GNAL: variants seen among roughly 807,000 people sequenced by gnomAD.
GNAL encodes G protein subunit alpha L.
In GNAL, 18 loss-of-function variants were observed where a neutral mutation model predicts 55.1. That is an observed-to-expected ratio of 0.33 (90% CI 0.23 to 0.48). The LOEUF is 0.48. Among genes scored for constraint, GNAL ranks in the 20% least tolerant of loss-of-function variants. The probability of loss-of-function intolerance (pLI) is 0.99; values close to 1 mark genes in which losing one functional copy is unlikely to be tolerated. For missense variants in GNAL, 412 were observed against 614.1 expected (o/e 0.67, Z 3.48); for synonymous variants, 253 against 237.0 (o/e 1.07, Z -0.62).
intron 1 of GNAL, among the ~76,000 whole-genome samples, chr18:11,738,004 C>T (rs962082089): frequency 1.3e-5 from 2 of 152,162 alleles, no homozygotes; most frequent in Non-Finnish European, 2.9e-5. Context: ...GTCTGCAGGC[C>T]GGCAGAACCC....
rs184882262 is a variant in GNAL, at chr18:11,730,399, A to C, written c.377-22454A>C. Among the ~76,000 whole-genome samples, 450 of 151,740 alleles carry C rather than the reference A, an allele frequency of 3.0e-3. 1 individual carries two copies. Among genetic ancestry groups the C allele is most frequent in the African/African-American group, 9.5e-3 (394 of 41,428 alleles). ...GGTCTCGAACTCCTGATCTCAGGTAATCTGCCTGCCTCGGCCTCCCAAAAT... is the reference window on the plus strand; with the variant it reads ...GGTCTCGAACTCCTGATCTCAGGTACTCTGCCTGCCTCGGCCTCCCAAAAT... On this transcript the variant is annotated intron_variant, in intron 1 of 11. Coordinates refer to ENST00000334049, the MANE Select transcript of GNAL (RefSeq NM_182978.4).
At position 11,881,218 on chromosome 18, in the gene GNAL, C is replaced by T; in HGVS notation, c.*83C>T. On this transcript the variant is annotated 3_prime_UTR_variant, in exon 12 of 12. Coordinates refer to ENST00000334049, the MANE Select transcript of GNAL (RefSeq NM_182978.4). The surrounding 1 kb of genome is among the most constrained non-coding windows in gnomAD (Gnocchi z 4.8). ...CATGCCATGGTAGGAGGCAGAGTCT[C>T]TAGTTCCATCTCGCTGCCGTCTGTC... 2 of 1,330,414 alleles carry T rather than the reference C, an allele frequency of 1.5e-6. No homozygotes were observed. Among genetic ancestry groups the T allele is most frequent in the Non-Finnish European group, 2.1e-6 (2 of 969,644 alleles). 82.4% of individuals were successfully genotyped at this position (1,330,414 alleles called of 1,614,324 possible). A position where few individuals can be genotyped will look rare whatever the true frequency, so the allele number is the denominator to read the frequency against.
intron 1 of GNAL, among the ~76,000 whole-genome samples, chr18:11,730,053 A>C (rs181898312): frequency 0.017 from 2,513 of 150,238 alleles, 82 homozygotes; most frequent in African/African-American, 0.06. Flanking sequence ...TTTTTTTTTG[A>C]GACAGAGTCT....
chr18:11,751,504 G>C lies in GNAL; in HGVS notation c.377-1349G>C. The C allele has an allele frequency of 1.0e-6, 1 of 985,538 alleles. No individual in the cohort carries two copies. Among genetic ancestry groups the C allele is most frequent in the Non-Finnish European group, 1.2e-6 (1 of 829,994 alleles). The allele number at this position is 985,538 out of a possible 1,614,324, so 61.0% of individuals were successfully genotyped here. A position where few individuals can be genotyped will look rare whatever the true frequency, so the allele number is the denominator to read the frequency against. ...AAGCTGAGCAGAACAAAGGCGGTGT[G>C]ACTGGTGAGCCTCGGAGGGATCCTC... On this transcript the variant is annotated intron_variant, in intron 1 of 11. Coordinates refer to ENST00000334049, the MANE Select transcript of GNAL (RefSeq NM_182978.4). This position sits in a 1 kb window ranked among gnomAD's most constrained non-coding sequence, Gnocchi z 4.5.
chr18:11,769,534 A>G (rs1412128155), intron 4 of GNAL, among the ~76,000 whole-genome samples: 3 of 152,196 alleles, frequency 2.0e-5, no homozygotes, highest in African/African-American at 7.2e-5. Flanking sequence ...AACTTGTTCC[A>G]TGATGTTCAG....
chr18:11,817,741 A>ACCC, intron 4 of GNAL, among the ~76,000 whole-genome samples: 1 of 151,458 alleles, frequency 6.6e-6, no homozygotes, highest in South Asian at 2.1e-4. Flanking sequence ...GGTGCGTGCC[A>ACCC]CAACACCGGG....
At chr18:11,710,123 G>T (rs1463661938) in intron 1 of GNAL, among the ~76,000 whole-genome samples, 1 of 152,154 alleles carries the variant, frequency 6.6e-6, no homozygotes, top group Non-Finnish European at 1.5e-5. Flanking sequence ...TACACGTGTT[G>T]AATCATCCTT....
At chr18:11,737,998 G>T (rs1215373842) in intron 1 of GNAL, among the ~76,000 whole-genome samples, 1 of 152,206 alleles carries the variant, frequency 6.6e-6, no homozygotes, top group East Asian at 1.9e-4. Context: ...GGGTGGGTCT[G>T]CAGGCCGGCA....
intron 4 of GNAL, among the ~76,000 whole-genome samples, chr18:11,780,653 G>A (rs1022942186): frequency 6.6e-6 from 1 of 152,140 alleles, no homozygotes; most frequent in Non-Finnish European, 1.5e-5. Context: ...CACAGTCTTA[G>A]CCAATCTGCC....
chr18:11,759,503 T>G (rs1209206218), intron 4 of GNAL, among the ~76,000 whole-genome samples: 7 of 152,250 alleles, frequency 4.6e-5, no homozygotes, highest in Non-Finnish European at 1.0e-4. Context: ...TCCTCCCAGG[T>G]GAGAGCTACT....
At chr18:11,855,360 A>G (rs2035981811) in intron 5 of GNAL, among the ~76,000 whole-genome samples, 2 of 152,208 alleles carry the variant, frequency 1.3e-5, no homozygotes, top group South Asian at 4.1e-4. Flanking sequence ...ACATCAGGGA[A>G]CTAGTTAACT....
At chr18:11,802,536 C>T (rs2034547459) in intron 4 of GNAL, among the ~76,000 whole-genome samples, 1 of 152,230 alleles carries the variant, frequency 6.6e-6, no homozygotes, top group Admixed American at 6.5e-5. Context: ...GACCTCTGCA[C>T]TCATGGTCCT....
rs1388995203 is a variant in GNAL, at chr18:11,862,860, C to CA, written c.777+420dup. On this transcript the variant is annotated intron_variant, in intron 6 of 11. Transcript: ENST00000334049. ...CCAGAGCATCCCCTTTGGGTTGAGTCAAAAAAAAAGCACTCCACCATTTTT... is the reference window on the plus strand; with the variant it reads ...CCAGAGCATCCCCTTTGGGTTGAGTCAAAAAAAAAAGCACTCCACCATTTTT... Among the ~76,000 whole-genome samples the CA allele has an allele frequency of 1.3e-3, 185 of 140,178 alleles. 2 individuals carry two copies. Among genetic ancestry groups the CA allele is most frequent in the African/African-American group, 4.6e-3 (174 of 38,204 alleles). The allele number at this position is 140,178 out of a possible 152,430, so 92.0% of individuals were successfully genotyped here.
At position 11,873,426 on chromosome 18, in the gene GNAL, G is replaced by GA. The variant is rs554062099; in HGVS notation, c.1162+1035dup. ...GCTATCACCTGTGTCATAAAGACCC[G>GA]AAAAAAATTCCTACTGCTACATATT... On this transcript the variant is annotated intron_variant, in intron 10 of 11. Coordinates refer to ENST00000334049, the MANE Select transcript of GNAL (RefSeq NM_182978.4). Among the ~76,000 whole-genome samples, 253 of 152,140 alleles carry GA rather than the reference G, an allele frequency of 1.7e-3. 1 individual carries two copies. Among genetic ancestry groups the GA allele is most frequent in the African/African-American group, 5.7e-3 (236 of 41,536 alleles).
chr18:11,860,777 G>A (rs1219591155), intron 5 of GNAL, among the ~76,000 whole-genome samples: 1 of 152,152 alleles, frequency 6.6e-6, no homozygotes, highest in African/African-American at 2.4e-5. Context: ...CCGAACCCCT[G>A]GTGATAAGAA....
chr18:11,778,806 T>G (rs954338548), intron 4 of GNAL, among the ~76,000 whole-genome samples: 7 of 151,856 alleles, frequency 4.6e-5, no homozygotes, highest in Non-Finnish European at 1.5e-5. Context: ...TATAAAACCA[T>G]GAGTGGGTCA....
At chr18:11,737,494 C>A (rs1280964596) in intron 1 of GNAL, among the ~76,000 whole-genome samples, 1 of 152,222 alleles carries the variant, frequency 6.6e-6, no homozygotes, top group Non-Finnish European at 1.5e-5. Context: ...GCACTCACCT[C>A]CCTGGCTGCA....
intron 9 of GNAL, among the ~76,000 whole-genome samples, chr18:11,871,817 C>A (rs555203802): frequency 6.6e-6 from 1 of 152,206 alleles, no homozygotes; most frequent in African/African-American, 2.4e-5. Flanking sequence ...AATCTATATC[C>A]CCCATGGGAC....
intron 8 of GNAL, among the ~76,000 whole-genome samples, chr18:11,867,629 G>A (rs367748332): frequency 9.2e-4 from 139 of 151,506 alleles, no homozygotes; most frequent in Admixed American, 1.4e-3. Context: ...CCTGGCTAAC[G>A]AGGTGAAACC....
Sources: allele counts gnomAD v4.1 joint callset (sites outside exome capture counted in the v4.1 genomes callset), GRCh38; gene constraint gnomAD v4.1.1; non-coding constraint Gnocchi (gnomAD v3.1); transcripts MANE v1.5; gene names NCBI Gene and HGNC (gene_info 2026-07-23, HGNC 2026-07-21).